The following OIT3 variants were observed in gnomAD, a reference collection of about 807,000 sequenced individuals.
The protein encoded by OIT3 is oncoprotein-induced transcript 3 protein.
A neutral mutation model predicts 52.2 loss-of-function variants in OIT3; 41 were observed. That is an observed-to-expected ratio of 0.79 (90% confidence interval 0.61 to 1.02). The LOEUF is 1.02. Among genes scored for constraint, OIT3 ranks in the 50% least tolerant of loss-of-function variants. The probability of loss-of-function intolerance (pLI) is 0.00; values close to 1 mark genes in which losing one functional copy is unlikely to be tolerated. For missense variants in OIT3, 634 were observed against 715.5 expected, an observed-to-expected ratio of 0.89 and a Z score of 1.30; for synonymous variants, 244 against 276.9, an observed-to-expected ratio of 0.88 and a Z score of 1.18.
In OIT3 at chr10:72,895,103, C is replaced by T. The variant is rs150614374; in HGVS notation, c.61+1244C>T. 2.2e-4 allele frequency among the ~76,000 whole-genome samples: 34 copies of T among 152,180 alleles called. No individual in the cohort carries two copies. In the East Asian group the frequency reaches 6.0e-3, roughly 27 times the overall value. On this transcript the variant is annotated intron_variant, in intron 1 of 8. Transcript: ENST00000334011. ...GTGGTAAATGTATGGCTAAAGGTAA[C>T]GTGTCATAACAAGGGAAACTGGGTG...
At position 72,924,287 on chromosome 10, in the gene OIT3, C is replaced by CGGG; in HGVS notation, c.1012_1014dup (p.Gly338dup). 1 of 1,613,618 alleles carries CGGG rather than the reference C, an allele frequency of 6.2e-7. No individual in the cohort carries two copies. The highest frequency in any genetic ancestry group is 8.5e-7 in the Non-Finnish European group (1 of 1,179,738). ...GTGACAGGTCTACCCAAGCAGACCC[C>CGGG]GGGGAGCAGCGGGGACTTCATCATC... On this transcript the variant is annotated inframe_insertion, in exon 7 of 9. Transcript: ENST00000334011.
At chr10:72,910,964 G>A (rs1380419156) in intron 4 of OIT3, among the ~76,000 whole-genome samples, 1 of 151,936 alleles carries the variant, frequency 6.6e-6, no homozygotes, top group Admixed American at 6.6e-5. Context: ...AGAAGATAAT[G>A]TCCAAGTCCC....
chr10:72,931,273 C>T (rs1846214271), intron 8 of OIT3, among the ~76,000 whole-genome samples: 1 of 152,076 alleles, frequency 6.6e-6, no homozygotes. Context: ...GGAGAATTGC[C>T]TGAAGCCAGG....
intron 4 of OIT3, among the ~76,000 whole-genome samples, chr10:72,908,389 G>A (rs1466614596): frequency 2.0e-5 from 3 of 152,130 alleles, no homozygotes; most frequent in Admixed American, 1.3e-4. Context: ...TGGAATAATA[G>A]AGCTGTGGTA....
intron 6 of OIT3, among the ~76,000 whole-genome samples, chr10:72,913,847 T>C (rs1212247044): frequency 6.6e-6 from 1 of 152,218 alleles, no homozygotes; most frequent in African/African-American, 2.4e-5. Context: ...GTTCAAGTAT[T>C]GAACCAGGTT....
chr10:72,893,794 G>A lies in OIT3; in HGVS notation c.-5G>A, dbSNP rs748676666. On this transcript the variant is annotated 5_prime_UTR_variant, in exon 1 of 9. Transcript: ENST00000334011. Reference sequence around the variant, plus strand: ...TCCAGTGTTTCTGGCAGTTGGTCCAGAAGGATGCCTCCATTCCTGCTTCTC... The same window carrying A: ...TCCAGTGTTTCTGGCAGTTGGTCCAAAAGGATGCCTCCATTCCTGCTTCTC... 4 of 1,609,154 alleles carry A rather than the reference G, an allele frequency of 2.5e-6. No individual in the cohort carries two copies. The highest frequency in any genetic ancestry group is 3.4e-6 in the Non-Finnish European group (4 of 1,177,814).
rs567157027 is a variant in OIT3, at chr10:72,897,485, G to C, written c.62-1179G>C. Among the ~76,000 whole-genome samples the C allele has an allele frequency of 2.6e-5, 4 of 152,258 alleles. No homozygotes were observed. In the East Asian group the frequency reaches 7.7e-4, roughly 29 times the overall value. ...TAACTGTGAATACACAAAGTTCTTG[G>C]TATTTTCAATAAGCTGGTAAAATAT... On this transcript the variant is annotated intron_variant, in intron 1 of 8. Coordinates refer to ENST00000334011, the MANE Select transcript of OIT3 (RefSeq NM_152635.3).
chr10:72,918,253 T>A, intron 6 of OIT3: 1 of 812,094 alleles, frequency 1.2e-6, no homozygotes, highest in Non-Finnish European at 2.2e-6. Flanking sequence ...ACTGGGGGTG[T>A]TATTTCAAAG....
intron 5 of OIT3, among the ~76,000 whole-genome samples, chr10:72,912,045 CT>C (rs1390637572): frequency 6.6e-6 from 1 of 152,094 alleles, no homozygotes; most frequent in African/African-American, 2.4e-5. Flanking sequence ...CTTAACTTTC[CT>C]TTGCTGTTTA....
At position 72,924,188 on chromosome 10, in the gene OIT3, A is replaced by G. The variant is rs372520178; in HGVS notation, c.952-41A>G. 10 of 1,515,730 alleles carry G rather than the reference A, an allele frequency of 6.6e-6. No homozygotes were observed. In the African/African-American group the frequency reaches 1.1e-4, roughly 17 times the overall value. 93.9% of individuals were successfully genotyped at this position (1,515,730 alleles called of 1,614,324 possible). On this transcript the variant is annotated intron_variant, in intron 6 of 8. Coordinates refer to ENST00000334011, the MANE Select transcript of OIT3 (RefSeq NM_152635.3). ...GGGGGAAAAAAAACTGTAGAAACAAACAGACAATCTCTTTCCTCTCCTCAC... is the reference window on the plus strand; with the variant it reads ...GGGGGAAAAAAAACTGTAGAAACAAGCAGACAATCTCTTTCCTCTCCTCAC...
rs1277401913 is a variant in OIT3, at chr10:72,918,431, A to G, written c.951+4963A>G. On this transcript the variant is annotated intron_variant, in intron 6 of 8. Transcript: ENST00000334011. ...AAGATAACTGGTGCTCATCTTCATC[A>G]TTATCCACCTTAAAGTGATCATCTT... 8.6e-6 allele frequency: 7 copies of G among 816,978 alleles called. No homozygotes were observed. The East Asian group carries it at 1.7e-4, about 20-fold the overall frequency. 50.6% of individuals were successfully genotyped at this position (816,978 alleles called of 1,614,324 possible). A position where few individuals can be genotyped will look rare whatever the true frequency, so the allele number is the denominator to read the frequency against.
Position 72,927,973 on chromosome 10 carries a change from C to A in OIT3, c.1368-2565C>A, listed in dbSNP as rs577781689. 2.0e-5 allele frequency among the ~76,000 whole-genome samples: 3 copies of A among 152,128 alleles called. No homozygotes were observed. In the South Asian group the frequency reaches 6.2e-4, roughly 32 times the overall value. On this transcript the variant is annotated intron_variant, in intron 7 of 8. Coordinates refer to ENST00000334011, the MANE Select transcript of OIT3 (RefSeq NM_152635.3). Reference sequence around the variant, plus strand: ...ATGGTAAGGGTCATTAAATATTTGCCAAGTAAATAATTGAATGAGTCTTTA... The same window carrying A: ...ATGGTAAGGGTCATTAAATATTTGCAAAGTAAATAATTGAATGAGTCTTTA...
intron 3 of OIT3, among the ~76,000 whole-genome samples, chr10:72,905,895 G>A (rs1185640279): frequency 6.6e-6 from 1 of 152,120 alleles, no homozygotes; most frequent in East Asian, 1.9e-4. Context: ...GTCATCGCAT[G>A]GGTGTTTAAC....
chr10:72,911,006 T>A (rs574892484), intron 4 of OIT3, among the ~76,000 whole-genome samples: 9 of 152,350 alleles, frequency 5.9e-5, no homozygotes, highest in African/African-American at 1.9e-4. Flanking sequence ...TCTGTTAAAT[T>A]TAAAATCACC....
chr10:72,919,113 T>G (rs1846099936), intron 6 of OIT3, among the ~76,000 whole-genome samples: 1 of 152,228 alleles, frequency 6.6e-6, no homozygotes, highest in African/African-American at 2.4e-5. Flanking sequence ...GTTTGTGTCA[T>G]CTCTGATTTC....
intron 5 of OIT3, among the ~76,000 whole-genome samples, 190 bp from the exon 6 acceptor site, chr10:72,913,118 G>A (rs977002821): frequency 6.6e-6 from 1 of 152,190 alleles, no homozygotes; most frequent in African/African-American, 2.4e-5. Flanking sequence ...TATATTTGAG[G>A]AACATTATTT....
At chr10:72,917,597 A>G (rs920224693) in intron 6 of OIT3, 57 of 767,662 alleles carry the variant, frequency 7.4e-5, no homozygotes, top group Non-Finnish European at 1.1e-4. Flanking sequence ...GAAATGAAAT[A>G]AGATGGAAAA....
At chr10:72,932,173 G>A (rs1385378368) in intron 8 of OIT3, among the ~76,000 whole-genome samples, 181 bp from the exon 9 acceptor site, 1 of 152,102 alleles carries the variant, frequency 6.6e-6, no homozygotes, top group African/African-American at 2.4e-5. Flanking sequence ...GTACATTTGG[G>A]CAAGTTCCTT....
At chr10:72,917,115 G>A (rs1846079474) in intron 6 of OIT3, among the ~76,000 whole-genome samples, 1 of 152,028 alleles carries the variant, frequency 6.6e-6, no homozygotes, top group Admixed American at 6.6e-5. Context: ...TAGGTTGTCT[G>A]TTCACTCTGA....
Sources: allele counts gnomAD v4.1 joint callset (sites outside exome capture counted in the v4.1 genomes callset), GRCh38; gene constraint gnomAD v4.1.1; transcripts MANE v1.5; gene names NCBI Gene and HGNC (gene_info 2026-07-23, HGNC 2026-07-21).